The following EBF1 variants were observed in gnomAD, a reference collection of about 807,000 sequenced individuals.
EBF1 encodes transcription factor COE1.
A neutral mutation model predicts 68.4 loss-of-function variants in EBF1; 10 were observed. The observed-to-expected ratio is 0.15, with a 90% CI of 0.09 to 0.25. EBF1 has a LOEUF of 0.25. Ranked by LOEUF, EBF1 falls within the 10% of genes least tolerant of loss-of-function variation. The pLI is 1.00. For synonymous variants in EBF1, 298 were observed against 299.8 expected (o/e 0.99, Z 0.06); for missense variants, 509 against 794.4 (o/e 0.64, Z 4.32).
chr5:158,991,983 C>T (rs1760418655), intron 6 of EBF1, among the ~76,000 whole-genome samples: 1 of 152,160 alleles, frequency 6.6e-6, no homozygotes, highest in Non-Finnish European at 1.5e-5. Context: ...GACTCAGTCT[C>T]CTCCTCTATT....
intron 6 of EBF1, among the ~76,000 whole-genome samples, chr5:159,017,958 T>G (rs1765932579): frequency 6.6e-6 from 1 of 152,166 alleles, no homozygotes; most frequent in Non-Finnish European, 1.5e-5. Flanking sequence ...AAGCACCCAG[T>G]CGGTCTCTCT....
chr5:158,792,254 C>T (rs1778775323), intron 9 of EBF1, among the ~76,000 whole-genome samples: 1 of 152,058 alleles, frequency 6.6e-6, no homozygotes, highest in Non-Finnish European at 1.5e-5. Context: ...GGAGAAATCG[C>T]AAGAAACAAT....
chr5:158,722,990 G>A (rs962360647), intron 11 of EBF1, among the ~76,000 whole-genome samples: 2 of 152,152 alleles, frequency 1.3e-5, no homozygotes, highest in Non-Finnish European at 2.9e-5. Flanking sequence ...GGTATGATAT[G>A]AAGTAAGTTA....
intron 6 of EBF1, among the ~76,000 whole-genome samples, chr5:158,912,962 C>T (rs1420856252): frequency 1.3e-5 from 2 of 152,206 alleles, no homozygotes; most frequent in Admixed American, 1.3e-4. Flanking sequence ...CCAGGACCAC[C>T]TTCTATTCCT....
At chr5:158,957,353 T>C (rs527853802) in intron 6 of EBF1, among the ~76,000 whole-genome samples, 2 of 152,194 alleles carry the variant, frequency 1.3e-5, no homozygotes, top group South Asian at 2.1e-4. Context: ...ACATAAGAAA[T>C]GAAAATTGAT....
intron 6 of EBF1, among the ~76,000 whole-genome samples, chr5:158,877,619 C>G (rs189654059): frequency 6.6e-6 from 1 of 152,192 alleles, no homozygotes; most frequent in East Asian, 1.9e-4. Flanking sequence ...TTATTTCATT[C>G]CTGTTAGGCT....
At chr5:158,755,173 T>TG (rs1408548373) in intron 10 of EBF1, among the ~76,000 whole-genome samples, 1 of 147,840 alleles carries the variant, frequency 6.8e-6, no homozygotes, top group Admixed American at 6.8e-5. Context: ...TTTATTGTTT[T>TG]GTTTTTTTTT....
chr5:158,760,018 C>T (rs181861810), intron 10 of EBF1, among the ~76,000 whole-genome samples: 87 of 152,132 alleles, frequency 5.7e-4, no homozygotes, highest in African/African-American at 1.9e-3. Context: ...TAGAATTCTT[C>T]GGGAATGAAA....
chr5:158,780,850 G>A (rs1776330823), intron 9 of EBF1, among the ~76,000 whole-genome samples: 1 of 152,190 alleles, frequency 6.6e-6, no homozygotes, highest in Non-Finnish European at 1.5e-5. Flanking sequence ...TCATGTCTGT[G>A]TCAAATCTAA....
intron 6 of EBF1, among the ~76,000 whole-genome samples, chr5:159,067,918 G>A (rs1584393785): frequency 6.6e-6 from 1 of 152,148 alleles, no homozygotes; most frequent in Admixed American, 6.5e-5. Flanking sequence ...ATTTTAGAGA[G>A]TGAATTCCTC....
intron 15 of EBF1, among the ~76,000 whole-genome samples, chr5:158,703,415 A>G (rs1757177620): frequency 6.6e-6 from 1 of 152,210 alleles, no homozygotes; most frequent in South Asian, 2.1e-4. Context: ...GTAGGCAAAC[A>G]AGTTTGCCAA....
chr5:159,078,854 A>G (rs146634732), intron 5 of EBF1, among the ~76,000 whole-genome samples: 10 of 152,286 alleles, frequency 6.6e-5, no homozygotes, highest in Admixed American at 6.5e-4. Context: ...TTACCAGCCT[A>G]ACACAGGTGG....
chr5:158,980,041 G>T (rs977280779), intron 6 of EBF1, among the ~76,000 whole-genome samples: 3 of 152,040 alleles, frequency 2.0e-5, no homozygotes, highest in African/African-American at 7.2e-5. Flanking sequence ...TAGTCAGAAG[G>T]ACTTCATTAG....
At chr5:158,738,915 C>A (rs575111832) in intron 10 of EBF1, among the ~76,000 whole-genome samples, 3 of 152,300 alleles carry the variant, frequency 2.0e-5, no homozygotes, top group Non-Finnish European at 4.4e-5. Flanking sequence ...TGTGCCTAGG[C>A]TCCTGACATT....
intron 6 of EBF1, among the ~76,000 whole-genome samples, chr5:159,021,635 T>A (rs1414091315): frequency 6.6e-6 from 1 of 152,214 alleles, no homozygotes; most frequent in African/African-American, 2.4e-5. Flanking sequence ...TCCACTTAAC[T>A]CTAAGCCAAG....
intron 6 of EBF1, among the ~76,000 whole-genome samples, chr5:159,001,031 G>A (rs951141421): frequency 6.6e-6 from 1 of 152,002 alleles, no homozygotes; most frequent in Non-Finnish European, 1.5e-5. Flanking sequence ...TATTTATGAA[G>A]CTGGGTTTCC....
intron 6 of EBF1, among the ~76,000 whole-genome samples, chr5:158,961,882 T>C (rs1005927729): frequency 1.3e-5 from 2 of 152,076 alleles, no homozygotes; most frequent in Non-Finnish European, 2.9e-5. Context: ...GAGAGAAAAA[T>C]GAAATTTTGA....
At chr5:158,871,829 T>G (rs1362696848) in intron 6 of EBF1, among the ~76,000 whole-genome samples, 2 of 152,206 alleles carry the variant, frequency 1.3e-5, no homozygotes, top group Non-Finnish European at 2.9e-5. Context: ...CAGGATCTCT[T>G]CCTACAGCAA....
intron 6 of EBF1, among the ~76,000 whole-genome samples, chr5:159,038,821 C>T (rs535292889): frequency 6.6e-6 from 1 of 152,298 alleles, no homozygotes; most frequent in East Asian, 1.9e-4. Flanking sequence ...CCCAGGAGGG[C>T]TAATGGGATG....
Sources: gnomAD v4.1 joint callset for allele counts (sites outside exome capture counted in the v4.1 genomes callset) on GRCh38, gnomAD v4.1.1 for gene constraint, MANE v1.5 for transcripts, NCBI Gene and HGNC (gene_info 2026-07-23, HGNC 2026-07-21) for gene names.